ZHX2: variants seen among roughly 807,000 people sequenced by gnomAD.
ZHX2 encodes the protein zinc fingers and homeoboxes 2.
A neutral mutation model predicts 21.9 loss-of-function variants in ZHX2; 6 were observed. The observed-to-expected ratio is 0.27, with a 90% CI of 0.15 to 0.54. The LOEUF is 0.54. ZHX2 is among the 20% of genes least tolerant of loss of function. The pLI is 0.95. For missense variants in ZHX2, 908 were observed against 1,090.7 expected, an observed-to-expected ratio of 0.83 and a Z score of 2.36; for synonymous variants, 434 against 437.1, an observed-to-expected ratio of 0.99 and a Z score of 0.09.
intron 2 of ZHX2, among the ~76,000 whole-genome samples, chr8:122,870,106 G>A (rs1043950984): frequency 6.6e-6 from 1 of 152,140 alleles, no homozygotes; most frequent in African/African-American, 2.4e-5. Flanking sequence ...GGCAGAGGTG[G>A]CAGAGGTGGA....
At chr8:122,920,228 C>G (rs888820202) in intron 2 of ZHX2, among the ~76,000 whole-genome samples, 1 of 151,988 alleles carries the variant, frequency 6.6e-6, no homozygotes, top group Non-Finnish European at 1.5e-5. Context: ...GAGCCGAGAT[C>G]GTGCCGTTGC....
intron 1 of ZHX2, among the ~76,000 whole-genome samples, chr8:122,797,002 A>G (rs1339902754): frequency 6.6e-6 from 1 of 152,116 alleles, no homozygotes; most frequent in Non-Finnish European, 1.5e-5. Flanking sequence ...GGCATTGTCA[A>G]TGTCTTTCAC....
Position 122,952,820 on chromosome 8 carries a change from C to T in ZHX2, c.1310C>T (p.Pro437Leu), listed in dbSNP as rs200614161. 65 of 1,614,094 alleles carry T rather than the reference C, an allele frequency of 4.0e-5. No homozygotes were observed. In the East Asian group the frequency reaches 6.9e-4, roughly 17 times the overall value. ...CCCCCACCCAAGGTGGCCAACCCCC[C>T]GCTCACACCAGCCAGTGACCGCAAG... ...PEPPPKVANP[P>L]LTPASDRKKT... The change falls in exon 3 of 4, where the codon CCG becomes CTG. Residue 437 changes from proline to leucine, a missense_variant. By Grantham distance (98) the Pro-to-Leu change is moderately conservative (BLOSUM62 -3). Transcript: ENST00000314393. This position sits in a 1 kb window ranked among gnomAD's most constrained non-coding sequence, Gnocchi z 6.9.
intron 1 of ZHX2, among the ~76,000 whole-genome samples, chr8:122,849,934 A>G (rs1818848463): frequency 6.6e-6 from 1 of 152,178 alleles, no homozygotes; most frequent in Non-Finnish European, 1.5e-5. Context: ...ACTGAGCCAC[A>G]ATTTTATAAT....
At chr8:122,804,199 C>T (rs963873062) in intron 1 of ZHX2, among the ~76,000 whole-genome samples, 1 of 152,164 alleles carries the variant, frequency 6.6e-6, no homozygotes, top group Admixed American at 6.5e-5. Flanking sequence ...ACCTCCGCCT[C>T]CTGGGTTCAA....
intron 2 of ZHX2, among the ~76,000 whole-genome samples, chr8:122,937,216 G>A (rs1297192658): frequency 6.6e-6 from 1 of 152,238 alleles, no homozygotes; most frequent in African/African-American, 2.4e-5. Context: ...GAAGAATTAG[G>A]AGACCTCATG....
chr8:122,842,055 C>T (rs567635846), intron 1 of ZHX2, among the ~76,000 whole-genome samples: 10 of 152,326 alleles, frequency 6.6e-5, no homozygotes, highest in African/African-American at 2.2e-4. Flanking sequence ...CAAATGAGCA[C>T]GAGCTCCTGG....
chr8:122,814,747 A>G (rs144302303), intron 1 of ZHX2, among the ~76,000 whole-genome samples: 64 of 152,334 alleles, frequency 4.2e-4, no homozygotes, highest in African/African-American at 9.4e-4. Context: ...AATTCTCCTG[A>G]CACAGCTATT....
At chr8:122,948,410 G>A (rs1813030094) in intron 2 of ZHX2, among the ~76,000 whole-genome samples, 1 of 151,996 alleles carries the variant, frequency 6.6e-6, no homozygotes, top group South Asian at 2.1e-4. Context: ...TAAGCAAATT[G>A]TTCCTGTACT....
intron 1 of ZHX2, among the ~76,000 whole-genome samples, chr8:122,808,435 A>G (rs895776812): frequency 6.6e-6 from 1 of 152,186 alleles, no homozygotes; most frequent in African/African-American, 2.4e-5. Flanking sequence ...GTGCCAAGCA[A>G]AAGGGGGAAA....
At chr8:122,932,423 C>T (rs1288708358) in intron 2 of ZHX2, among the ~76,000 whole-genome samples, 1 of 152,206 alleles carries the variant, frequency 6.6e-6, no homozygotes, top group African/African-American at 2.4e-5. Flanking sequence ...GTTTCCTTGC[C>T]TTCTCCGGCC....
At position 122,951,990 on chromosome 8, in the gene ZHX2, C is replaced by T. The variant is rs1335914228; in HGVS notation, c.480C>T (p.Asn160=). The change falls in exon 3 of 4, where the codon AAC becomes AAT. Residue 160 remains asparagine (N), a synonymous_variant. Transcript: ENST00000314393. The part of the protein sequence containing the change: ...TVLEQSIETT[N]HVVSITTSGP... ...TGGAACAGTCCATCGAAACCACCAA[C>T]CATGTCGTGTCCATCACCACCAGTG... 2 of 1,613,700 alleles carry T rather than the reference C, an allele frequency of 1.2e-6. No individual in the cohort carries two copies. The highest frequency in any genetic ancestry group is 2.2e-5 in the East Asian group (1 of 44,852).
intron 1 of ZHX2, among the ~76,000 whole-genome samples, chr8:122,812,371 T>C (rs1482802236): frequency 6.6e-6 from 1 of 152,186 alleles, no homozygotes; most frequent in Non-Finnish European, 1.5e-5. Flanking sequence ...GTTCTTATTA[T>C]CCCTTTCTTT....
chr8:122,804,713 C>T (rs756553219), intron 1 of ZHX2, among the ~76,000 whole-genome samples: 20 of 152,192 alleles, frequency 1.3e-4, no homozygotes, highest in South Asian at 4.1e-4. Flanking sequence ...TGAACATCAT[C>T]ACAACCCTGC....
At chr8:122,966,313 G>A (rs1813584465) in intron 3 of ZHX2, among the ~76,000 whole-genome samples, 1 of 152,010 alleles carries the variant, frequency 6.6e-6, no homozygotes, top group Non-Finnish European at 1.5e-5. Context: ...TTAAGGTTTA[G>A]GACTCCTTTT....
At chr8:122,846,307 C>T (rs1292060035) in intron 1 of ZHX2, among the ~76,000 whole-genome samples, 2 of 152,156 alleles carry the variant, frequency 1.3e-5, no homozygotes, top group Non-Finnish European at 2.9e-5. Context: ...GTCAGGTTCC[C>T]CAAACATGCG....
intron 2 of ZHX2, among the ~76,000 whole-genome samples, chr8:122,941,731 C>A (rs1429934152): frequency 6.6e-6 from 1 of 151,902 alleles, no homozygotes; most frequent in East Asian, 1.9e-4. Flanking sequence ...TTCAGCCCAA[C>A]CAGTTCTGAA....
intron 1 of ZHX2, among the ~76,000 whole-genome samples, chr8:122,822,136 T>TATTA (rs1818165824): frequency 6.6e-6 from 1 of 152,162 alleles, no homozygotes; most frequent in Non-Finnish European, 1.5e-5. Flanking sequence ...TGCTATTAGG[T>TATTA]ATTAGATTGC....
intron 3 of ZHX2, among the ~76,000 whole-genome samples, chr8:122,968,802 G>A (rs1483791184): frequency 1.3e-5 from 2 of 150,068 alleles, no homozygotes; most frequent in Non-Finnish European, 3.0e-5. Flanking sequence ...TTGCACCAGT[G>A]AACTCCAGCC....
Sources: gnomAD v4.1 joint callset for allele counts (sites outside exome capture counted in the v4.1 genomes callset) on GRCh38, gnomAD v4.1.1 for gene constraint, Gnocchi (gnomAD v3.1) non-coding constraint, MANE v1.5 for transcripts, NCBI Gene and HGNC (gene_info 2026-07-23, HGNC 2026-07-21) for gene names.